The following FAM228B variants were observed in gnomAD, a reference collection of about 807,000 sequenced individuals.
The protein encoded by FAM228B is protein FAM228B.
A neutral mutation model predicts 42.6 loss-of-function variants in FAM228B; 38 were observed. The ratio of observed to expected loss-of-function variants is 0.89; its 90% CI spans 0.69 to 1.17. The LOEUF (loss-of-function observed/expected upper bound fraction) is 1.17. FAM228B is among the 50% of genes most tolerant of loss of function. The pLI, the probability that FAM228B is intolerant of heterozygous loss-of-function variation, is 0.00. For synonymous variants in FAM228B, 109 were observed against 122.3 expected (o/e 0.89, Z 0.72); for missense variants, 344 against 367.3 (o/e 0.94, Z 0.52).
At chr2:24,138,291 A>G (rs1394249341) in intron 4 of FAM228B, among the ~76,000 whole-genome samples, 191 bp downstream of exon 4, 2 of 152,158 alleles carry the variant, frequency 1.3e-5, no homozygotes, top group Non-Finnish European at 2.9e-5. Flanking sequence ...GATTAGATTT[A>G]ATTGTCTACA....
intron 2 of FAM228B, among the ~76,000 whole-genome samples, chr2:24,086,031 C>T (rs1013261072): frequency 1.3e-5 from 2 of 151,960 alleles, no homozygotes; most frequent in Admixed American, 1.3e-4. Context: ...GTCAGGAGAT[C>T]GAGACCATCC....
chr2:24,164,352 T>C lies in FAM228B; in HGVS notation c.932+17T>C, dbSNP rs1020576591. The C allele has an allele frequency of 1.3e-6, 2 of 1,542,702 alleles. No individual in the cohort carries two copies. Among genetic ancestry groups the C allele is most frequent in the Non-Finnish European group, 1.7e-6 (2 of 1,143,078 alleles). On this transcript the variant is annotated intron_variant, in intron 9 of 10. Coordinates refer to ENST00000615575, the MANE Select transcript of FAM228B (RefSeq NM_001145710.2). The stretch of plus-strand genomic sequence containing the variant: ...CCAGGATGGGTAAGAGCTGGGGCTG[T>C]CCCATTTCATCATACATAAGGTGGC...
intron 5 of FAM228B, among the ~76,000 whole-genome samples, chr2:24,145,019 G>A (rs902656274): frequency 5.3e-5 from 8 of 152,122 alleles, no homozygotes; most frequent in South Asian, 2.1e-4. Context: ...GCCAACACCC[G>A]TGTGGACCAC....
chr2:24,144,700 G>A (rs780767736), intron 5 of FAM228B, among the ~76,000 whole-genome samples: 15 of 152,066 alleles, frequency 9.9e-5, no homozygotes, highest in Non-Finnish European at 1.6e-4. Flanking sequence ...CAGGGGCCAC[G>A]GCTCACTTTC....
In FAM228B at chr2:24,077,549, T is replaced by C. The variant is rs1052100248; in HGVS notation, c.-290+580T>C. ...AGGTTTGCTCTGGAAAGGCCTGGGG[T>C]GGCCGCGTCCTGTCCTGCCCCATCC... On this transcript the variant is annotated intron_variant, in intron 1 of 10. Coordinates refer to the FAM228B transcript ENST00000613899. The surrounding 1 kb of genome is among the most constrained non-coding windows in gnomAD (Gnocchi z 5.5). 6.3e-6 allele frequency: 10 copies of C among 1,592,016 alleles called. No individual in the cohort carries two copies. The highest frequency in any genetic ancestry group is 1.4e-5 in the African/African-American group (1 of 73,594).
rs143205556 is a variant in FAM228B at position 24,116,760 on chromosome 2, A to T, written c.-120-18359A>T. 3.3e-3 allele frequency among the ~76,000 whole-genome samples: 502 copies of T among 152,038 alleles called. 4 individuals are homozygous for T. The highest frequency in any genetic ancestry group is 7.6e-3 in the Admixed American group (116 of 15,270). On this transcript the variant is annotated intron_variant, in intron 3 of 10. Coordinates refer to the FAM228B transcript ENST00000613899. Reference sequence around the variant, plus strand: ...TCCCAGCTACTTGGGAGGCTGAGGCAGGAGAATCTCTTGAACCTGGGAGGC... The same window carrying T: ...TCCCAGCTACTTGGGAGGCTGAGGCTGGAGAATCTCTTGAACCTGGGAGGC...
At position 24,084,218 on chromosome 2, in the gene FAM228B, T is replaced by G; in HGVS notation, c.-210+3263T>G. On this transcript the variant is annotated intron_variant, in intron 2 of 10. Coordinates refer to the FAM228B transcript ENST00000613899. This position sits in a 1 kb window ranked among gnomAD's most constrained non-coding sequence, Gnocchi z 8.4. ...ATTAAGTCCGCCCGGTTCAGGGCGC[T>G]GGCCGCCACCTTCAGGAGGACTTCA... 1 of 1,613,792 alleles carries G rather than the reference T, an allele frequency of 6.2e-7. No individual in the cohort carries two copies. Among genetic ancestry groups the G allele is most frequent in the Non-Finnish European group, 8.5e-7 (1 of 1,179,916 alleles).
At chr2:24,101,069 C>T (rs1665595584) in intron 3 of FAM228B, among the ~76,000 whole-genome samples, 1 of 152,078 alleles carries the variant, frequency 6.6e-6, no homozygotes, top group African/African-American at 2.4e-5. Flanking sequence ...ACAATGAGAT[C>T]ACTTGGACAC....
chr2:24,143,879 G>A (rs2151022217), intron 5 of FAM228B, among the ~76,000 whole-genome samples: 1 of 152,186 alleles, frequency 6.6e-6, no homozygotes, highest in South Asian at 2.1e-4. Context: ...TGGGTGCGGT[G>A]GCTTACGCCT....
intron 2 of FAM228B, among the ~76,000 whole-genome samples, chr2:24,129,484 G>A (rs1666400629): frequency 2.0e-5 from 3 of 151,584 alleles, no homozygotes; most frequent in Admixed American, 2.0e-4. Context: ...GTTTGATATT[G>A]TCTCATAGGT....
At chr2:24,134,513 A>G (rs1412194843) in intron 2 of FAM228B, among the ~76,000 whole-genome samples, 1 of 152,262 alleles carries the variant, frequency 6.6e-6, no homozygotes, top group Non-Finnish European at 1.5e-5. Flanking sequence ...AAGTAAAAGC[A>G]TTTTATAGGA....
chr2:24,094,613 T>G (rs565314813), intron 2 of FAM228B, among the ~76,000 whole-genome samples: 8 of 152,248 alleles, frequency 5.3e-5, no homozygotes, highest in Non-Finnish European at 1.0e-4. Context: ...GTCTTCCTAG[T>G]AGCTGGGACT....
chr2:24,124,289 A>G (rs1558381399), intron 1 of FAM228B, 41 bp from the exon 2 acceptor site: 4 of 1,006,560 alleles, frequency 4.0e-6, no homozygotes, highest in Non-Finnish European at 4.4e-6. Flanking sequence ...AGAAAATCAG[A>G]TGACTGTGAA....
At chr2:24,120,680 C>T (rs1319436841), upstream of FAM228B, among the ~76,000 whole-genome samples, 1 of 151,786 alleles carries the variant, frequency 6.6e-6, no homozygotes, top group African/African-American at 2.4e-5. Flanking sequence ...CTCAGCCTCC[C>T]AAGTAGCTGG....
intron 2 of FAM228B, among the ~76,000 whole-genome samples, chr2:24,125,904 T>A (rs1009926601): frequency 6.6e-5 from 10 of 152,210 alleles, no homozygotes; most frequent in African/African-American, 2.4e-4. Context: ...TTAAAAATTG[T>A]ATACAAATGG....
Position 24,169,279 on chromosome 2 carries a change from T to G in FAM228B, c.*15-77T>G, listed in dbSNP as rs1250342930. 1 of 423,000 alleles carries G rather than the reference T, an allele frequency of 2.4e-6. No individual in the cohort carries two copies. Among genetic ancestry groups the G allele is most frequent in the Non-Finnish European group, 5.2e-6 (1 of 190,652 alleles). The allele number at this position is 423,000 out of a possible 1,614,324, so 26.2% of individuals were successfully genotyped here. ...TTCAGGGGGATCAGCTCAGCTTAGCTGGGGAACGCTTTCTGCTCTCGTAAG... is the reference window on the plus strand; with the variant it reads ...TTCAGGGGGATCAGCTCAGCTTAGCGGGGGAACGCTTTCTGCTCTCGTAAG... On this transcript the variant is annotated intron_variant, in intron 10 of 10. Transcript: ENST00000615575. This position sits in a 1 kb window ranked among gnomAD's most constrained non-coding sequence, Gnocchi z 4.2.
chr2:24,141,876 C>T (rs1184529101), intron 5 of FAM228B, among the ~76,000 whole-genome samples: 2 of 152,050 alleles, frequency 1.3e-5, no homozygotes, highest in Non-Finnish European at 2.9e-5. Context: ...CACAGCCTCC[C>T]AATTCTTGGT....
chr2:24,111,366 C>G (rs1665792180), intron 3 of FAM228B, among the ~76,000 whole-genome samples: 1 of 152,152 alleles, frequency 6.6e-6, no homozygotes, highest in Non-Finnish European at 1.5e-5. Flanking sequence ...GCCCCACTTC[C>G]ATTTTTTTTG....
At chr2:24,155,542 T>A (rs1203747721) in intron 7 of FAM228B, among the ~76,000 whole-genome samples, 48 of 123,766 alleles carry the variant, frequency 3.9e-4, no homozygotes, top group East Asian at 3.1e-3. Flanking sequence ...TTTTTTTTTT[T>A]TTTTTTTTTT....
Sources: gnomAD v4.1 joint callset for allele counts (sites outside exome capture counted in the v4.1 genomes callset) on GRCh38, gnomAD v4.1.1 for gene constraint, Gnocchi (gnomAD v3.1) non-coding constraint, MANE v1.5 for transcripts, NCBI Gene and HGNC (gene_info 2026-07-23, HGNC 2026-07-21) for gene names.